The following PIGG variants were observed in gnomAD, a reference collection of about 807,000 sequenced individuals.
PIGG encodes the protein GPI ethanolamine phosphate transferase 2, catalytic subunit.
PIGG carries 70 observed loss-of-function variants against 83.2 expected under a neutral mutation model. The observed-to-expected ratio is 0.84, with a 90% CI of 0.69 to 1.03. The LOEUF (loss-of-function observed/expected upper bound fraction) is 1.03, where lower values mean the gene tolerates loss of function less well. Among genes scored for constraint, PIGG ranks in the 50% least tolerant of loss-of-function variants. The pLI is 0.00. For missense variants in PIGG, 1,257 were observed against 1,233.6 expected (o/e 1.02, Z -0.28); for synonymous variants, 532 against 519.5 (o/e 1.02, Z -0.33).
rs748343502 is a variant in PIGG, at chr4:530,635, C to T, written c.2461C>T (p.Leu821Phe). 3 of 1,613,492 alleles carry T rather than the reference C, an allele frequency of 1.9e-6. No individual in the cohort carries two copies. The highest frequency in any genetic ancestry group is 1.3e-5 in the African/African-American group (1 of 75,016). The change falls in exon 11 of 13, where the codon CTC becomes TTC. Residue 821 changes from leucine (L) to phenylalanine (F), a missense_variant. Physicochemically the swap from Leu to Phe is conservative, Grantham distance 22. Coordinates refer to ENST00000453061, the MANE Select transcript of PIGG (RefSeq NM_001127178.3). The part of the protein sequence containing the change: ...PHNLPVLAFS[L>F]LIQTLMTKFI... ...TAATCTTCCGGTCTTAGCATTTAGC[C>T]TCTTGATTCAGACTCTAATGACTAA...
At chr4:527,439 G>T in intron 10 of PIGG, 1 of 1,318,202 alleles carries the variant, frequency 7.6e-7, no homozygotes, top group Non-Finnish European at 9.6e-7. Context: ...TGCGTTGTTA[G>T]CACTTTTTAT....
chr4:520,252 A>G (rs35270677), intron 6 of PIGG, among the ~76,000 whole-genome samples: 27,511 of 152,226 alleles, frequency 0.18, 3,244 homozygotes, highest in African/African-American at 0.34. Flanking sequence ...AGGGGGTCTC[A>G]GGAAGGAAGT....
At chr4:521,014 C>T (rs145052267) in intron 6 of PIGG, 42 bp from the exon 7 acceptor site, 41 of 1,316,670 alleles carry the variant, frequency 3.1e-5, no homozygotes, top group African/African-American at 1.4e-4. Context: ...TGTATGTTCA[C>T]GGTGTGTGTG....
Position 507,529 on chromosome 4 carries a change from T to TTGGGCAGAAGCTGAGCGAGA in PIGG, c.699_718dup (p.Asp240GlyfsTer4), listed in dbSNP as rs1720155803. The TTGGGCAGAAGCTGAGCGAGA allele has an allele frequency of 1.9e-6, 3 of 1,614,064 alleles. No individual in the cohort carries two copies. Among genetic ancestry groups the TTGGGCAGAAGCTGAGCGAGA allele is most frequent in the Admixed American group, 3.3e-5 (2 of 60,004 alleles). On this transcript the variant is annotated frameshift_variant, in exon 4 of 13. Coordinates refer to ENST00000453061, the MANE Select transcript of PIGG (RefSeq NM_001127178.3). LOFTEE classifies it high-confidence loss of function. ...ATTTCAGGGCCCAACAGCCCCCTGATTGGGCAGAAGCTGAGCGAGATGGAC... is the reference window on the plus strand; with the variant it reads ...ATTTCAGGGCCCAACAGCCCCCTGATTGGGCAGAAGCTGAGCGAGATGGGCAGAAGCTGAGCGAGATGGAC...
chr4:516,243 G>T, intron 6 of PIGG, 58 bp downstream of exon 6: 2 of 1,176,836 alleles, frequency 1.7e-6, no homozygotes, highest in South Asian at 2.4e-5. Context: ...CTGAGCTCGG[G>T]TTTCTCCGAT....
chr4:503,589 G>A (rs1016277764), intron 2 of PIGG, among the ~76,000 whole-genome samples: 9 of 152,140 alleles, frequency 5.9e-5, no homozygotes, highest in African/African-American at 2.2e-4. Context: ...TCAACCTTCA[G>A]GTCTCAGCTC....
chr4:504,683 T>A (rs1484960810), intron 2 of PIGG, among the ~76,000 whole-genome samples: 1 of 152,216 alleles, frequency 6.6e-6, no homozygotes, highest in Non-Finnish European at 1.5e-5. Flanking sequence ...AGGTTCCCGT[T>A]TATTTTCATT....
chr4:521,500 C>T (rs1411567887), intron 7 of PIGG, among the ~76,000 whole-genome samples, 160 bp from the exon 8 acceptor site: 3 of 152,078 alleles, frequency 2.0e-5, no homozygotes, highest in Non-Finnish European at 4.4e-5. Flanking sequence ...AAAATCATGC[C>T]ATGCATTTTG....
chr4:515,669 G>T lies in PIGG; in HGVS notation c.902-304G>T, dbSNP rs867187990. Among the ~76,000 whole-genome samples, 1 of 152,168 alleles carries T rather than the reference G, an allele frequency of 6.6e-6. No individual in the cohort carries two copies. The highest frequency in any genetic ancestry group is 1.5e-5 in the Non-Finnish European group (1 of 68,016). On this transcript the variant is annotated intron_variant, in intron 5 of 12. Coordinates refer to ENST00000453061, the MANE Select transcript of PIGG (RefSeq NM_001127178.3). The surrounding 1 kb of genome is among the most constrained non-coding windows in gnomAD (Gnocchi z 4.2). ...AGTGACAGTCCCTCCGTGTCTGCGG[G>T]ACCACCTGCTTCCTCTGTGTTCAGC...
At chr4:501,120 C>T (rs1717548313) in intron 2 of PIGG, 1 of 456,236 alleles carries the variant, frequency 2.2e-6, no homozygotes, top group Non-Finnish European at 4.4e-6. Context: ...CTACTGACAG[C>T]AGCTTTGAAG....
At chr4:524,125 C>T (rs1726898104) in intron 9 of PIGG, among the ~76,000 whole-genome samples, 1 of 152,216 alleles carries the variant, frequency 6.6e-6, no homozygotes, top group Admixed American at 6.5e-5. Context: ...GCTAGCCTAA[C>T]AGGTTTCATT....
Position 521,247 on chromosome 4 carries a change from A to G in PIGG, c.1306A>G (p.Met436Val), listed in dbSNP as rs755361495. ...QVAQYDIYSM[M>V]VGTVVVLEVL... ...GGCCCAGTACGACATCTATTCGATG[A>G]TGGTGGGGACTGTCGTGGTTTTGGA... is the stretch of plus-strand genomic sequence containing the variant. Residue 436 changes from methionine (M) to valine (V), a missense_variant, in exon 7 of 13, where the codon ATG becomes GTG. By Grantham distance (21) the Met-to-Val change is conservative (BLOSUM62 1). Transcript: ENST00000453061. The G allele has an allele frequency of 4.6e-5, 74 of 1,613,712 alleles. 1 individual carries two copies. The South Asian group carries it at 7.4e-4, about 16-fold the overall frequency.
chr4:527,144 G>C lies in PIGG; in HGVS notation c.2175G>C (p.Ala725=). Residue 725 remains alanine, a synonymous_variant, in exon 10 of 13, where the codon GCG becomes GCC. Coordinates refer to ENST00000453061, the MANE Select transcript of PIGG (RefSeq NM_001127178.3). ...GCSPVSKAAL[A]LGLLGVYCYR... The stretch of plus-strand genomic sequence containing the variant: ...CCCCTGTGTCCAAGGCTGCCCTGGC[G>C]CTGGGGCTGCTGGGCGTCTACTGCT... 1 of 1,614,042 alleles carries C rather than the reference G, an allele frequency of 6.2e-7. No homozygotes were observed.
At chr4:537,375 T>C (rs1306913691) in intron 12 of PIGG, 1 of 152,040 alleles carries the variant, frequency 6.6e-6, no homozygotes, top group Non-Finnish European at 1.5e-5. Context: ...TGGGTAACGC[T>C]ATAAAGTGTT....
intron 12 of PIGG, among the ~76,000 whole-genome samples, chr4:534,995 C>T (rs1730115436): frequency 6.6e-6 from 1 of 152,224 alleles, no homozygotes; most frequent in Admixed American, 6.5e-5. Flanking sequence ...TTCTCTGCAG[C>T]GTTCCCACCG....
intron 2 of PIGG, chr4:502,098 C>A (rs200942026): frequency 6.6e-6 from 1 of 152,202 alleles, no homozygotes; most frequent in African/African-American, 2.4e-5. Flanking sequence ...GGAAGGAACC[C>A]TTTTCTCCTT....
chr4:536,282 G>T (rs1314833896), intron 12 of PIGG: 1 of 152,314 alleles, frequency 6.6e-6, no homozygotes, highest in Admixed American at 6.5e-5. Flanking sequence ...TTTCCAAGGG[G>T]AGAATCGCTC....
Position 507,403 on chromosome 4 carries a change from AG to A in PIGG, c.571del, listed in dbSNP as rs1553880098. ...GTTTATACGTGTGTTTCCCCTTCAA[AG>A]GTGGATAATAATGTCACGAGGCATT... On this transcript the variant is annotated splice_acceptor_variant, in intron 3 of 12. Coordinates refer to ENST00000453061, the MANE Select transcript of PIGG (RefSeq NM_001127178.3). LOFTEE classifies it high-confidence loss of function. 4 of 1,605,948 alleles carry A rather than the reference AG, an allele frequency of 2.5e-6. No homozygotes were observed. The South Asian group carries it at 4.4e-5, about 18-fold the overall frequency.
At chr4:505,632 C>CAAAAAAAA in intron 2 of PIGG, 86 bp from the exon 3 acceptor site, 4 of 737,662 alleles carry the variant, frequency 5.4e-6, no homozygotes, top group East Asian at 2.7e-5. Context: ...GACCCTGTCT[C>CAAAAAAAA]AAAAAAAAAA....
Sources: allele counts gnomAD v4.1 joint callset (sites outside exome capture counted in the v4.1 genomes callset), GRCh38; gene constraint gnomAD v4.1.1; non-coding constraint Gnocchi (gnomAD v3.1); transcripts MANE v1.5; gene names NCBI Gene and HGNC (gene_info 2026-07-23, HGNC 2026-07-21).